The following UTS2B variants were observed in gnomAD, a reference collection of about 807,000 sequenced individuals.
The protein encoded by UTS2B is urotensin-2B.
A neutral mutation model predicts 19.2 loss-of-function variants in UTS2B; 21 were observed. The ratio of observed to expected loss-of-function variants is 1.09; its 90% confidence interval spans 0.78 to 1.58. The LOEUF (loss-of-function observed/expected upper bound fraction) is 1.58, where lower values mean the gene tolerates loss of function less well. Ranked by LOEUF, UTS2B falls within the 40% of genes most tolerant of loss-of-function variation. The pLI is 0.00. For missense variants in UTS2B, 138 were observed against 130.3 expected (o/e 1.06, Z -0.29); for synonymous variants, 57 against 50.2 (o/e 1.14, Z -0.58).
intron 2 of UTS2B, 125 bp from the exon 3 acceptor site, chr3:191,316,564 A>ATTTTACAGAGAGCTGATTGGTCCG (rs1560146456): frequency 2.0e-5 from 3 of 152,182 alleles, no homozygotes; most frequent in South Asian, 2.1e-4. Flanking sequence ...TGATCGGTAC[A>ATTTTACAGAGAGCTGATTGGTCCG]TTTTACAGAG....
intron 1 of UTS2B, chr3:191,329,345 G>T (rs907194627): frequency 3.5e-6 from 1 of 282,528 alleles, no homozygotes. Flanking sequence ...CAGCCGGCCC[G>T]CCCGCCTTTC....
the UTS2B span, among the ~76,000 whole-genome samples, chr3:191,342,688 A>C: frequency 1.3e-5 from 2 of 152,218 alleles, no homozygotes; most frequent in Non-Finnish European, 2.9e-5. Flanking sequence ...AAACCATTTG[A>C]GGGCTTGTGT....
intron 3 of UTS2B, among the ~76,000 whole-genome samples, chr3:191,306,167 T>C (rs1717135331): frequency 6.6e-6 from 1 of 152,214 alleles, no homozygotes; most frequent in Admixed American, 6.5e-5. Flanking sequence ...TCTGCTTCCA[T>C]GTGAATTTTA....
chr3:191,273,542 T>C (rs1322281825), intron 8 of UTS2B: 1 of 456,744 alleles, frequency 2.2e-6, no homozygotes, highest in Non-Finnish European at 4.4e-6. Context: ...AGTTAAGCTG[T>C]ATCAACGTTC....
At chr3:191,333,261 A>G (rs1391669169), upstream of UTS2B, among the ~76,000 whole-genome samples, 1 of 152,204 alleles carries the variant, frequency 6.6e-6, no homozygotes, top group Non-Finnish European at 1.5e-5. Context: ...AAATGTCTGT[A>G]AAAGGAAACA....
At chr3:191,315,711 CT>C (rs1235310863) in intron 3 of UTS2B, among the ~76,000 whole-genome samples, 5 of 152,172 alleles carry the variant, frequency 3.3e-5, no homozygotes, top group African/African-American at 1.2e-4. Context: ...CATGTTTTCT[CT>C]AGCTTTTTCG....
At chr3:191,338,910 T>G in the UTS2B span, among the ~76,000 whole-genome samples, 1 of 152,196 alleles carries the variant, frequency 6.6e-6, no homozygotes, top group South Asian at 2.1e-4. Context: ...TAAAGTGATA[T>G]GGTCATTTTG....
chr3:191,317,471 G>T (rs1234207584), intron 2 of UTS2B, among the ~76,000 whole-genome samples: 2 of 152,280 alleles, frequency 1.3e-5, no homozygotes, highest in African/African-American at 4.8e-5. Flanking sequence ...CGGGCGAAGG[G>T]CTCCTCAAGT....
chr3:191,343,420 A>T, the UTS2B span, among the ~76,000 whole-genome samples: 7 of 152,366 alleles, frequency 4.6e-5, no homozygotes, highest in African/African-American at 1.4e-4. Flanking sequence ...AGTGTACTGC[A>T]GAAGTTACTG....
intron 4 of UTS2B, among the ~76,000 whole-genome samples, chr3:191,294,045 T>C (rs1051730418): frequency 4.0e-5 from 6 of 150,572 alleles, no homozygotes; most frequent in African/African-American, 1.5e-4. Context: ...GAGGGGGAGG[T>C]TGCGGTGAGC....
At chr3:191,329,661 G>C (rs953288937) in intron 1 of UTS2B, 5 of 1,606,878 alleles carry the variant, frequency 3.1e-6, no homozygotes, top group Non-Finnish European at 3.4e-6. Context: ...GGGCAACCGG[G>C]ACCCTGGCCC....
Position 191,315,418 on chromosome 3 carries a change from T to C in UTS2B, c.-182+618A>G, listed in dbSNP as rs1283809800. On this transcript the variant is annotated intron_variant, in intron 3 of 8. Coordinates refer to ENST00000340524, the MANE Select transcript of UTS2B (RefSeq NM_198152.5). ...AACAACTTGGGACCTGTGGTTGGCA[T>C]AGGAAGTGAAGGGCAGTCTTGGATA... 2.6e-5 allele frequency among the ~76,000 whole-genome samples: 4 copies of C among 152,146 alleles called. No homozygotes were observed. In the East Asian group the frequency reaches 7.7e-4, roughly 29 times the overall value.
upstream of UTS2B, among the ~76,000 whole-genome samples, chr3:191,334,183 A>G (rs1326200581): frequency 6.6e-6 from 1 of 152,132 alleles, no homozygotes; most frequent in Non-Finnish European, 1.5e-5. Flanking sequence ...CACAATAAAA[A>G]AAAATTTTCC....
At position 191,268,183 on chromosome 3, in the gene UTS2B, C is replaced by G. The variant is rs553870818; in HGVS notation, c.*233G>C. On this transcript the variant is annotated 3_prime_UTR_variant, in exon 9 of 9. Transcript: ENST00000340524. ...GTGATATGAAACCTCCCTGACTGCA[C>G]GTCCATTCATAGGCTCTCTACAGGG... The G allele has an allele frequency of 6.0e-6, 2 of 334,412 alleles. No individual in the cohort carries two copies. Among genetic ancestry groups the G allele is most frequent in the East Asian group, 5.5e-5 (1 of 18,338 alleles). 20.7% of individuals were successfully genotyped at this position (334,412 alleles called of 1,614,324 possible).
At position 191,274,127 on chromosome 3, in the gene UTS2B, C is replaced by G. The variant is rs564129210; in HGVS notation, c.334+1125G>C. 1.8e-4 allele frequency among the ~76,000 whole-genome samples: 27 copies of G among 151,982 alleles called. No homozygotes were observed. In the South Asian group the frequency reaches 5.6e-3, roughly 32 times the overall value. On this transcript the variant is annotated intron_variant, in intron 8 of 8. Coordinates refer to ENST00000340524, the MANE Select transcript of UTS2B (RefSeq NM_198152.5). ...AAAAAAAAAAGCCACTAAATTCCCT[C>G]CCTCCTACCCTCCACTTCATCTTCT...
At chr3:191,293,060 G>C (rs1044089738) in intron 4 of UTS2B, among the ~76,000 whole-genome samples, 1 of 151,852 alleles carries the variant, frequency 6.6e-6, no homozygotes, top group Non-Finnish European at 1.5e-5. Context: ...GTATAACATT[G>C]ATTAATTTTT....
intron 4 of UTS2B, among the ~76,000 whole-genome samples, chr3:191,299,879 ACCTTGGGAACCCACT>A (rs989677508): frequency 6.6e-6 from 1 of 152,164 alleles, no homozygotes; most frequent in African/African-American, 2.4e-5. Flanking sequence ...GCTGCCCAAG[ACCTTGGGAACCCACT>A]CCTTGCATCA....
At chr3:191,278,581 T>C (rs1023736465) in intron 5 of UTS2B, among the ~76,000 whole-genome samples, 1 of 152,042 alleles carries the variant, frequency 6.6e-6, no homozygotes, top group African/African-American at 2.4e-5. Flanking sequence ...GATATACACA[T>C]TTATATACAC....
At chr3:191,286,533 G>A (rs1288493078) in intron 4 of UTS2B, among the ~76,000 whole-genome samples, 1 of 151,934 alleles carries the variant, frequency 6.6e-6, no homozygotes, top group African/African-American at 2.4e-5. Context: ...GACCAAAGTA[G>A]AAATTAAAAG....
Sources: allele counts gnomAD v4.1 joint callset (sites outside exome capture counted in the v4.1 genomes callset), GRCh38; gene constraint gnomAD v4.1.1; transcripts MANE v1.5; gene names NCBI Gene and HGNC (gene_info 2026-07-23, HGNC 2026-07-21).